Variants in ZNF804B observed in about 807,000 individuals in gnomAD.
ZNF804B encodes the protein zinc finger 804B.
A neutral mutation model predicts 101.4 loss-of-function variants in ZNF804B; 80 were observed. That is an observed-to-expected ratio of 0.79 (90% CI 0.66 to 0.95). ZNF804B has a LOEUF of 0.95. Ranked by LOEUF, ZNF804B falls within the 40% of genes least tolerant of loss-of-function variation. The pLI is 0.00. For missense variants in ZNF804B, 1,673 were observed against 1,561.9 expected (o/e 1.07, Z -1.20); for synonymous variants, 622 against 558.8 (o/e 1.11, Z -1.59).
At chr7:89,285,969 T>C (rs887024194) in intron 2 of ZNF804B, among the ~76,000 whole-genome samples, 2 of 149,936 alleles carry the variant, frequency 1.3e-5, no homozygotes, top group African/African-American at 5.1e-5. Context: ...GGATGAAGAT[T>C]TTTATGATGA....
At chr7:88,860,051 G>A (rs1402842033) in intron 1 of ZNF804B, among the ~76,000 whole-genome samples, 2 of 151,788 alleles carry the variant, frequency 1.3e-5, no homozygotes, top group Non-Finnish European at 2.9e-5. Flanking sequence ...AAAATATAAT[G>A]TTCTCTTGCG....
At chr7:89,055,651 T>C (rs1486942961) in intron 1 of ZNF804B, among the ~76,000 whole-genome samples, 3 of 152,052 alleles carry the variant, frequency 2.0e-5, no homozygotes, top group South Asian at 4.1e-4. Flanking sequence ...CTTTGTCCAG[T>C]GAAAAGTCTC....
intron 1 of ZNF804B, among the ~76,000 whole-genome samples, chr7:89,176,520 G>A (rs769897354): frequency 6.9e-6 from 1 of 144,700 alleles, no homozygotes; most frequent in Non-Finnish European, 1.5e-5. Context: ...GAGGATTTTT[G>A]CATCAGTGTT....
intron 1 of ZNF804B, among the ~76,000 whole-genome samples, chr7:88,971,996 C>T (rs1175750982): frequency 1.3e-5 from 2 of 151,328 alleles, no homozygotes; most frequent in East Asian, 2.0e-4. Flanking sequence ...TAAAGGAGAT[C>T]AAATTTGACA....
chr7:88,802,212 A>C (rs1471477438), intron 1 of ZNF804B, among the ~76,000 whole-genome samples: 2 of 152,108 alleles, frequency 1.3e-5, no homozygotes, highest in Non-Finnish European at 2.9e-5. Context: ...TGAGTCAATT[A>C]AACATCTTTT....
At chr7:88,782,948 C>T (rs1006264744) in intron 1 of ZNF804B, among the ~76,000 whole-genome samples, 1 of 152,154 alleles carries the variant, frequency 6.6e-6, no homozygotes, top group African/African-American at 2.4e-5. Flanking sequence ...GATCACTAAA[C>T]ATTTCTTCAG....
At chr7:89,321,099 A>G (rs952565294) in intron 2 of ZNF804B, among the ~76,000 whole-genome samples, 1 of 152,224 alleles carries the variant, frequency 6.6e-6, no homozygotes, top group African/African-American at 2.4e-5. Flanking sequence ...ACACCAAAAC[A>G]TGACATATTG....
At chr7:88,904,599 A>G (rs564296366) in intron 1 of ZNF804B, among the ~76,000 whole-genome samples, 1 of 152,098 alleles carries the variant, frequency 6.6e-6, no homozygotes, top group African/African-American at 2.4e-5. Flanking sequence ...AATATTTTTT[A>G]TTTATTTGTG....
chr7:89,230,961 T>A (rs1789183896), intron 2 of ZNF804B, among the ~76,000 whole-genome samples: 1 of 152,228 alleles, frequency 6.6e-6, no homozygotes, highest in Middle Eastern at 3.4e-3. Context: ...TGTTTAAGAA[T>A]TTTTACAGTT....
chr7:88,868,059 G>GTA (rs1325756042), intron 1 of ZNF804B, among the ~76,000 whole-genome samples: 11 of 149,368 alleles, frequency 7.4e-5, no homozygotes, highest in Non-Finnish European at 1.5e-4. Flanking sequence ...GTGTGTGTGT[G>GTA]TGTGTGTGTG....
intron 1 of ZNF804B, among the ~76,000 whole-genome samples, chr7:89,033,106 A>G (rs1364824974): frequency 1.3e-5 from 2 of 150,328 alleles, no homozygotes; most frequent in East Asian, 1.9e-4. Flanking sequence ...TCATCTTTCC[A>G]TCACCCCCCA....
At chr7:89,008,765 T>C (rs535087073) in intron 1 of ZNF804B, among the ~76,000 whole-genome samples, 3 of 152,166 alleles carry the variant, frequency 2.0e-5, no homozygotes, top group Non-Finnish European at 4.4e-5. Flanking sequence ...CATAGAATCC[T>C]ACCAAAAAGG....
At chr7:89,287,825 A>G (rs1289727123) in intron 2 of ZNF804B, among the ~76,000 whole-genome samples, 1 of 152,202 alleles carries the variant, frequency 6.6e-6, no homozygotes, top group Non-Finnish European at 1.5e-5. Context: ...TTGAAATAAG[A>G]TCAAATATCT....
At position 89,193,545 on chromosome 7, in the gene ZNF804B, G is replaced by T. The variant is rs550457259; in HGVS notation, c.109-24610G>T. Among the ~76,000 whole-genome samples the T allele has an allele frequency of 4.9e-5, 7 of 143,366 alleles. No individual in the cohort carries two copies. The East Asian group carries it at 1.5e-3, about 30-fold the overall frequency. The allele number at this position is 143,366 out of a possible 152,430, so 94.1% of individuals were successfully genotyped here. On this transcript the variant is annotated intron_variant, in intron 1 of 3. Transcript: ENST00000333190. ...TTCTCATTGTTCAATTCCCACCTATGAGTGATAACATGTTGTGTTTGGTTT... is the reference window on the plus strand; with the variant it reads ...TTCTCATTGTTCAATTCCCACCTATTAGTGATAACATGTTGTGTTTGGTTT...
Position 88,785,297 on chromosome 7 carries a change from T to TTTGTCTGAACATGTCTGAACATGTCTA in ZNF804B, c.108+25215_108+25216insGTCTGAACATGTCTGAACATGTCTATT, listed in dbSNP as rs1375252858. Among the ~76,000 whole-genome samples the TTTGTCTGAACATGTCTGAACATGTCTA allele has an allele frequency of 5.1e-4, 78 of 152,202 alleles. 2 individuals carry two copies. The highest frequency in any genetic ancestry group is 1.8e-3 in the African/African-American group (74 of 41,558). ...CTCTTTCCTCTTCTTAACATTCTATTTTCAGACAAATACCAAGGTATTGGA... is the reference window on the plus strand; with the variant it reads ...CTCTTTCCTCTTCTTAACATTCTATTTTGTCTGAACATGTCTGAACATGTCTATTCAGACAAATACCAAGGTATTGGA... On this transcript the variant is annotated intron_variant, in intron 1 of 3. Coordinates refer to ENST00000333190, the MANE Select transcript of ZNF804B (RefSeq NM_181646.5).
At chr7:89,025,143 AAGTACTCATAAACTG>A (rs1361426771) in intron 1 of ZNF804B, among the ~76,000 whole-genome samples, 1 of 152,074 alleles carries the variant, frequency 6.6e-6, no homozygotes, top group Non-Finnish European at 1.5e-5. Context: ...ATTGATTCTC[AAGTACTCATAAACTG>A]AGTTTGAGTT....
intron 1 of ZNF804B, among the ~76,000 whole-genome samples, chr7:88,810,498 A>C (rs75103395): frequency 3.0e-5 from 4 of 133,712 alleles, no homozygotes; most frequent in Non-Finnish European, 6.6e-5. Context: ...ACAAAAGTCC[A>C]AAAAAAAAAA....
rs532308381 is a variant in ZNF804B at position 88,879,230 on chromosome 7, G to A, written c.108+119146G>A. Reference sequence around the variant, plus strand: ...AGTTAATGACTTCTGTTCTGGATGTGTACAATTTAAAGGGCCTATAATATG... The same window carrying A: ...AGTTAATGACTTCTGTTCTGGATGTATACAATTTAAAGGGCCTATAATATG... On this transcript the variant is annotated intron_variant, in intron 1 of 3. Coordinates refer to ENST00000333190, the MANE Select transcript of ZNF804B (RefSeq NM_181646.5). Among the ~76,000 whole-genome samples the A allele has an allele frequency of 5.3e-5, 8 of 152,204 alleles. No individual in the cohort carries two copies. The South Asian group carries it at 1.7e-3, about 32-fold the overall frequency.
At chr7:89,320,487 A>T (rs1343818064) in intron 2 of ZNF804B, among the ~76,000 whole-genome samples, 1 of 152,106 alleles carries the variant, frequency 6.6e-6, no homozygotes. Context: ...ACACACAAAA[A>T]AACAGTGCCA....
Sources: gnomAD v4.1 joint callset for allele counts (sites outside exome capture counted in the v4.1 genomes callset) on GRCh38, gnomAD v4.1.1 for gene constraint, MANE v1.5 for transcripts, NCBI Gene and HGNC (gene_info 2026-07-23, HGNC 2026-07-21) for gene names.